WDR20: variants seen among roughly 807,000 people sequenced by gnomAD.
The protein encoded by WDR20 is WD repeat-containing protein 20.
In WDR20, 3 loss-of-function variants were observed where a neutral mutation model predicts 38.7. That is an observed-to-expected ratio of 0.08 (90% CI 0.04 to 0.20). WDR20 has a LOEUF of 0.20. Among genes scored for constraint, WDR20 ranks in the 10% least tolerant of loss-of-function variants. WDR20 has a pLI of 1.00. For missense variants in WDR20, 559 were observed against 727.7 expected (o/e 0.77, Z 2.67); for synonymous variants, 298 against 285.6 (o/e 1.04, Z -0.44).
At chr14:102,201,630 C>T (rs1028606601) in intron 2 of WDR20, among the ~76,000 whole-genome samples, 3 of 152,190 alleles carry the variant, frequency 2.0e-5, no homozygotes, top group African/African-American at 4.8e-5. Flanking sequence ...CCGCGCTGAG[C>T]GTTGAGTGGA....
At chr14:102,163,921 A>G (rs926388086) in intron 1 of WDR20, among the ~76,000 whole-genome samples, 4 of 152,110 alleles carry the variant, frequency 2.6e-5, no homozygotes, top group South Asian at 4.1e-4. Context: ...TACTCCTTAC[A>G]TTGCCTTTTT....
In WDR20 at chr14:102,208,538, T is replaced by G; in HGVS notation, c.433-65T>G. On this transcript the variant is annotated intron_variant, in intron 2 of 2. Coordinates refer to ENST00000342702, the MANE Select transcript of WDR20 (RefSeq NM_144574.4). This position sits in a 1 kb window ranked among gnomAD's most constrained non-coding sequence, Gnocchi z 5.6. ...CCCATCGAGAAGCACACAAGTTTTCTTGCTGGAAAAGTAGACCTTTGAGAC... is the reference window on the plus strand; with the variant it reads ...CCCATCGAGAAGCACACAAGTTTTCGTGCTGGAAAAGTAGACCTTTGAGAC... 1 of 1,520,182 alleles carries G rather than the reference T, an allele frequency of 6.6e-7. No individual in the cohort carries two copies. Among genetic ancestry groups the G allele is most frequent in the Non-Finnish European group, 8.8e-7 (1 of 1,135,796 alleles). 94.2% of individuals were successfully genotyped at this position (1,520,182 alleles called of 1,614,324 possible).
intron 1 of WDR20, among the ~76,000 whole-genome samples, chr14:102,157,578 T>C (rs1710954730): frequency 6.6e-6 from 1 of 152,182 alleles, no homozygotes; most frequent in Non-Finnish European, 1.5e-5. Context: ...TCTGTTCCAT[T>C]TGGTTCAGAT....
intron 1 of WDR20, among the ~76,000 whole-genome samples, chr14:102,152,414 GTC>G (rs1385399206): frequency 5.1e-4 from 60 of 116,994 alleles, no homozygotes; most frequent in African/African-American, 1.6e-3. Context: ...ATTATGCAGG[GTC>G]TCTCTTTTTT....
chr14:102,160,904 C>T (rs188675133), intron 1 of WDR20, among the ~76,000 whole-genome samples: 23 of 136,680 alleles, frequency 1.7e-4, no homozygotes, highest in African/African-American at 5.1e-4. Context: ...GCCGAGATCG[C>T]GCCACTGCAT....
At chr14:102,183,548 C>T (rs961480505) in intron 1 of WDR20, among the ~76,000 whole-genome samples, 6 of 152,140 alleles carry the variant, frequency 3.9e-5, no homozygotes, top group South Asian at 4.1e-4. Flanking sequence ...TTCTAGCTGA[C>T]GCTGGGTGAT....
At chr14:102,179,129 A>G (rs2062814228) in intron 1 of WDR20, among the ~76,000 whole-genome samples, 1 of 152,084 alleles carries the variant, frequency 6.6e-6, no homozygotes, top group African/African-American at 2.4e-5. Context: ...AATGGTTGTA[A>G]TACCTGTATT....
chr14:102,155,528 G>A (rs2057166694), intron 1 of WDR20, among the ~76,000 whole-genome samples: 1 of 152,194 alleles, frequency 6.6e-6, no homozygotes, highest in African/African-American at 2.4e-5. Flanking sequence ...AGCAGATATA[G>A]GAGCTCAGCA....
At chr14:102,205,232 A>G (rs1170792148) in intron 2 of WDR20, among the ~76,000 whole-genome samples, 3 of 151,576 alleles carry the variant, frequency 2.0e-5, no homozygotes, top group Non-Finnish European at 4.4e-5. Flanking sequence ...CTGCACTCCA[A>G]CCTGAGTGAT....
intron 2 of WDR20, among the ~76,000 whole-genome samples, chr14:102,204,615 T>G (rs1385033623): frequency 6.6e-6 from 1 of 152,212 alleles, no homozygotes; most frequent in African/African-American, 2.4e-5. Flanking sequence ...TCTCTAAGCT[T>G]CTTTTCTCAC....
At chr14:102,166,439 T>C (rs1175568377) in intron 1 of WDR20, among the ~76,000 whole-genome samples, 2 of 152,230 alleles carry the variant, frequency 1.3e-5, no homozygotes, top group Admixed American at 6.5e-5. Flanking sequence ...AGGTGACATA[T>C]ATCTGTGCAT....
rs765876025 is a variant in WDR20, at chr14:102,140,139, G to C, written c.216G>C (p.Glu72Asp). The change falls in exon 1 of 3, where the codon GAG becomes GAC. Residue 72 changes from glutamate to aspartate, a missense_variant. Coordinates refer to ENST00000342702, the MANE Select transcript of WDR20 (RefSeq NM_144574.4). Reference protein sequence around the residue: ...GDRLCFNVGRELYFYIYKGVR... With the variant: ...GDRLCFNVGRDLYFYIYKGVR... ...GCCTCTGCTTCAATGTGGGCCGGGA[G>C]CTGTACTTCTATATCTACAAGGGGG... 2 of 1,613,730 alleles carry C rather than the reference G, an allele frequency of 1.2e-6. No individual in the cohort carries two copies. Among genetic ancestry groups the C allele is most frequent in the Admixed American group, 3.3e-5 (2 of 60,000 alleles).
upstream of WDR20, chr14:102,139,860 G>C (rs984484749): frequency 1.3e-6 from 2 of 1,583,512 alleles, no homozygotes; most frequent in Non-Finnish European, 1.7e-6. Flanking sequence ...GGAGCACCAG[G>C]AACAGCGCCT....
intron 1 of WDR20, among the ~76,000 whole-genome samples, chr14:102,170,402 T>G (rs745418765): frequency 1.1e-4 from 16 of 152,328 alleles, no homozygotes; most frequent in Non-Finnish European, 2.2e-4. Flanking sequence ...AGAGACATAG[T>G]CAAATCGCCT....
chr14:102,216,013 G>A (rs2063174404), downstream of WDR20, among the ~76,000 whole-genome samples: 1 of 152,150 alleles, frequency 6.6e-6, no homozygotes, highest in African/African-American at 2.4e-5. Context: ...CTTCCCTGCT[G>A]TGTCATGAGA....
downstream of WDR20, among the ~76,000 whole-genome samples, chr14:102,215,827 A>C (rs1313925748): frequency 6.6e-6 from 1 of 152,124 alleles, no homozygotes; most frequent in Non-Finnish European, 1.5e-5. Flanking sequence ...AGAACTCATG[A>C]TTTACATTGT....
intron 1 of WDR20, among the ~76,000 whole-genome samples, chr14:102,189,360 G>A (rs2065767286): frequency 6.6e-6 from 1 of 152,146 alleles, no homozygotes; most frequent in Non-Finnish European, 1.5e-5. Flanking sequence ...TTTCTATTAA[G>A]TTGAGAACTT....
At chr14:102,198,855 G>T (rs1351344577) in intron 2 of WDR20, among the ~76,000 whole-genome samples, 2 of 152,190 alleles carry the variant, frequency 1.3e-5, no homozygotes, top group South Asian at 2.1e-4. Flanking sequence ...GCAGTTGTCA[G>T]GGAATGGAGG....
chr14:102,205,751 A>G (rs1272959430), intron 2 of WDR20, among the ~76,000 whole-genome samples: 2 of 151,684 alleles, frequency 1.3e-5, no homozygotes, highest in South Asian at 2.1e-4. Flanking sequence ...GAGAAAAACA[A>G]TGGGTAAGGC....
Sources: allele counts gnomAD v4.1 joint callset (sites outside exome capture counted in the v4.1 genomes callset), GRCh38; gene constraint gnomAD v4.1.1; non-coding constraint Gnocchi (gnomAD v3.1); transcripts MANE v1.5; gene names NCBI Gene and HGNC (gene_info 2026-07-23, HGNC 2026-07-21).